The following KCNIP4 variants were observed in gnomAD, a reference collection of about 807,000 sequenced individuals.
The protein encoded by KCNIP4 is Kv channel-interacting protein 4.
KCNIP4 carries 12 observed loss-of-function variants against 34.0 expected under a neutral mutation model. That is an observed-to-expected ratio of 0.35 (90% CI 0.23 to 0.57). The LOEUF (loss-of-function observed/expected upper bound fraction) is 0.57. KCNIP4 is among the 20% of genes least tolerant of loss of function. The pLI is 0.83. For synonymous variants in KCNIP4, 124 were observed against 102.2 expected (o/e 1.21, Z -1.29); for missense variants, 238 against 311.7 (o/e 0.76, Z 1.78).
At chr4:20,930,324 T>C (rs934338065) in intron 1 of KCNIP4, among the ~76,000 whole-genome samples, 1 of 152,000 alleles carries the variant, frequency 6.6e-6, no homozygotes, top group Admixed American at 6.6e-5. Context: ...AGAATGAAAT[T>C]GGACCCTAAT....
chr4:21,473,065 C>G (rs1370746394), intron 1 of KCNIP4, among the ~76,000 whole-genome samples: 1 of 152,158 alleles, frequency 6.6e-6, no homozygotes, highest in Non-Finnish European at 1.5e-5. Context: ...TGAACCTGAT[C>G]TCTTTCTTTC....
intron 1 of KCNIP4, among the ~76,000 whole-genome samples, chr4:21,384,515 A>C (rs1203145499): frequency 6.6e-6 from 1 of 152,216 alleles, no homozygotes; most frequent in Non-Finnish European, 1.5e-5. Flanking sequence ...AGTAGAGACA[A>C]ATGTAATCCC....
intron 1 of KCNIP4, among the ~76,000 whole-genome samples, chr4:21,351,339 T>C (rs1176832988): frequency 1.3e-5 from 2 of 152,166 alleles, no homozygotes; most frequent in African/African-American, 4.8e-5. Flanking sequence ...CATGCTGTTC[T>C]ATTGATAGTA....
At chr4:21,897,983 C>T (rs535458711) in intron 1 of KCNIP4, among the ~76,000 whole-genome samples, 2 of 152,214 alleles carry the variant, frequency 1.3e-5, no homozygotes, top group East Asian at 1.9e-4. Context: ...GATTATGGGA[C>T]TTTGCATTGA....
intron 1 of KCNIP4, among the ~76,000 whole-genome samples, chr4:21,917,371 G>A (rs1057118183): frequency 1.2e-4 from 19 of 152,126 alleles, no homozygotes; most frequent in African/African-American, 4.3e-4. Flanking sequence ...TCCTGACCTC[G>A]TGATCCACCC....
At chr4:20,731,259 A>AGATGATT (rs146706282) in intron 8 of KCNIP4, 2 of 344,160 alleles carry the variant, frequency 5.8e-6, no homozygotes, top group Admixed American at 6.5e-5. Flanking sequence ...TTGTAGAGAT[A>AGATGATT]GATAGGGTCT....
At chr4:20,779,162 C>T (rs1756628947) in intron 3 of KCNIP4, among the ~76,000 whole-genome samples, 1 of 152,092 alleles carries the variant, frequency 6.6e-6, no homozygotes, top group Non-Finnish European at 1.5e-5. Flanking sequence ...ACTGGACTTC[C>T]TTCTAGGAGT....
chr4:21,272,160 A>G (rs528794308), intron 1 of KCNIP4, among the ~76,000 whole-genome samples: 10 of 152,134 alleles, frequency 6.6e-5, no homozygotes, highest in African/African-American at 2.4e-4. Flanking sequence ...TTTTTTGGAC[A>G]TTTTCCTTAA....
At chr4:20,864,328 A>G (rs555120503) in intron 2 of KCNIP4, among the ~76,000 whole-genome samples, 20 of 150,438 alleles carry the variant, frequency 1.3e-4, no homozygotes, top group African/African-American at 5.0e-4. Flanking sequence ...GTTTATATGC[A>G]TATGTATGTA....
intron 1 of KCNIP4, among the ~76,000 whole-genome samples, chr4:20,925,220 A>G (rs1338975483): frequency 2.6e-5 from 4 of 152,146 alleles, no homozygotes; most frequent in Non-Finnish European, 4.4e-5. Flanking sequence ...ATCCATGACT[A>G]TTGGCTATTT....
rs1491541435 is a variant in KCNIP4 at position 21,151,405 on chromosome 4, A to ATTTTTTTTTTTTTTTTTTTTTT, written c.62-268697_62-268696insAAAAAAAAAAAAAAAAAAAAAA. The stretch of plus-strand genomic sequence containing the variant: ...AGAATGGATGTCTTCAACAAAAGAC[A>ATTTTTTTTTTTTTTTTTTTTTT]ATTTTTTTTTTTTTTTTTTTTTTTT... On this transcript the variant is annotated intron_variant, in intron 1 of 8. Coordinates refer to ENST00000382152, the MANE Select transcript of KCNIP4 (RefSeq NM_025221.6). Among the ~76,000 whole-genome samples the ATTTTTTTTTTTTTTTTTTTTTT allele has an allele frequency of 1.4e-4, 13 of 93,512 alleles. 5 individuals carry two copies. The highest frequency in any genetic ancestry group is 3.2e-4 in the African/African-American group (8 of 24,702). 61.3% of individuals were successfully genotyped at this position (93,512 alleles called of 152,430 possible).
chr4:21,405,938 C>T (rs1380464981), intron 1 of KCNIP4, among the ~76,000 whole-genome samples: 2 of 152,198 alleles, frequency 1.3e-5, no homozygotes, highest in Admixed American at 6.5e-5. Context: ...CGGGTTCAAG[C>T]GATTCTCCTG....
chr4:20,981,648 G>T (rs1372727708), intron 1 of KCNIP4, among the ~76,000 whole-genome samples: 1 of 152,096 alleles, frequency 6.6e-6, no homozygotes, highest in Non-Finnish European at 1.5e-5. Context: ...ATAAGAGTTG[G>T]CCCAAACTAG....
chr4:21,005,970 C>T (rs965204605), intron 1 of KCNIP4, among the ~76,000 whole-genome samples: 2 of 152,110 alleles, frequency 1.3e-5, no homozygotes, highest in Non-Finnish European at 2.9e-5. Context: ...GTTTATTCTT[C>T]GCACCTCATG....
chr4:21,657,898 G>A (rs1434984605), intron 1 of KCNIP4, among the ~76,000 whole-genome samples: 1 of 151,352 alleles, frequency 6.6e-6, no homozygotes, highest in Admixed American at 6.6e-5. Context: ...GCAGTGCAGT[G>A]GAACGATCTC....
At chr4:20,790,887 T>C (rs970890861) in intron 3 of KCNIP4, among the ~76,000 whole-genome samples, 2 of 151,942 alleles carry the variant, frequency 1.3e-5, no homozygotes, top group African/African-American at 2.4e-5. Flanking sequence ...TTGCCTAAGA[T>C]AAAGGAAGAA....
chr4:21,458,739 T>C (rs1477778053), intron 1 of KCNIP4, among the ~76,000 whole-genome samples: 2 of 152,082 alleles, frequency 1.3e-5, no homozygotes, highest in Admixed American at 6.6e-5. Context: ...CTGATTCTTG[T>C]TGTTTCTCAC....
In KCNIP4 at chr4:21,261,409, G is replaced by A. The variant is rs1761460290; in HGVS notation, c.62-378700C>T. ...GAATGGTTTCATTACTACAAGTTAA[G>A]AGTCAGATTAGAATAATCATTAAAA... is the stretch of plus-strand genomic sequence containing the variant. On this transcript the variant is annotated intron_variant, in intron 1 of 8. Coordinates refer to ENST00000382152, the MANE Select transcript of KCNIP4 (RefSeq NM_025221.6). Among the ~76,000 whole-genome samples, 3 of 152,198 alleles carry A rather than the reference G, an allele frequency of 2.0e-5. No individual in the cohort carries two copies. The South Asian group carries it at 6.2e-4, about 32-fold the overall frequency.
At chr4:21,589,263 CAGATACATATATGTAT>C (rs1292647711) in intron 1 of KCNIP4, among the ~76,000 whole-genome samples, 1 of 105,340 alleles carries the variant, frequency 9.5e-6, no homozygotes, top group Non-Finnish European at 1.9e-5. Flanking sequence ...TGTATCTATA[CAGATACATATATGTAT>C]AGATACATAT....
Sources: gnomAD v4.1 joint callset for allele counts (sites outside exome capture counted in the v4.1 genomes callset) on GRCh38, gnomAD v4.1.1 for gene constraint, MANE v1.5 for transcripts, NCBI Gene and HGNC (gene_info 2026-07-23, HGNC 2026-07-21) for gene names.